FGF10: variants seen among roughly 807,000 people sequenced by gnomAD.
FGF10 encodes the protein FGF-10.
A neutral mutation model predicts 19.8 loss-of-function variants in FGF10; 2 were observed. That is an observed-to-expected ratio of 0.10 (90% CI 0.04 to 0.32). FGF10 has a LOEUF of 0.32. FGF10 is among the 10% of genes least tolerant of loss of function. The pLI, the probability that FGF10 is intolerant of heterozygous loss-of-function variation, is 1.00. For missense variants in FGF10, 191 were observed against 246.3 expected (o/e 0.78, Z 1.50); for synonymous variants, 112 against 94.0 (o/e 1.19, Z -1.10).
chr5:44,313,184 C>T (rs897610397), intron 1 of FGF10, among the ~76,000 whole-genome samples: 12 of 151,848 alleles, frequency 7.9e-5, no homozygotes, highest in African/African-American at 1.5e-4. Flanking sequence ...AATTTTGGGA[C>T]GCAGCGTATG....
intron 1 of FGF10, 65 bp from the exon 2 acceptor site, chr5:44,310,595 T>C: frequency 8.1e-7 from 1 of 1,232,178 alleles, no homozygotes; most frequent in Non-Finnish European, 1.2e-6. Flanking sequence ...AAAAGTAAAA[T>C]CAAAAGAAAC....
intron 1 of FGF10, among the ~76,000 whole-genome samples, chr5:44,361,478 T>C (rs1005946748): frequency 6.6e-6 from 1 of 151,556 alleles, no homozygotes; most frequent in African/African-American, 2.4e-5. Context: ...ACCCACAGTG[T>C]TAATTAGGAG....
intron 1 of FGF10, among the ~76,000 whole-genome samples, chr5:44,364,431 T>C (rs764704213): frequency 2.6e-5 from 4 of 151,786 alleles, no homozygotes; most frequent in Admixed American, 6.6e-5. Context: ...CCTACAACAG[T>C]TTTTGACTGT....
intron 1 of FGF10, among the ~76,000 whole-genome samples, chr5:44,342,218 C>A (rs941892695): frequency 6.6e-6 from 1 of 151,820 alleles, no homozygotes; most frequent in African/African-American, 2.4e-5. Context: ...CAAATCAATG[C>A]ACACTTATGA....
chr5:44,350,575 A>G (rs1201486856), intron 1 of FGF10, among the ~76,000 whole-genome samples: 1 of 151,184 alleles, frequency 6.6e-6, no homozygotes, highest in Non-Finnish European at 1.5e-5. Context: ...CATAACATAT[A>G]CATACATACA....
rs766097540 is a variant in FGF10, at chr5:44,388,635, C to A, written c.48G>T (p.Leu16=). The A allele has an allele frequency of 1.9e-6, 3 of 1,613,848 alleles. No homozygotes were observed. The highest frequency in any genetic ancestry group is 3.3e-5 in the Admixed American group (2 of 59,996). Residue 16 remains leucine (L), a synonymous_variant, in exon 1 of 3, where the codon CTG becomes CTT. Coordinates refer to ENST00000264664, the MANE Select transcript of FGF10 (RefSeq NM_004465.2). ...LTHCASAFPH[L]PGCCCCCFLL... ...AAAAGCAGCAGCAGCAGCAGCCGGG[C>A]AGGTGGGGAAAGGCTGAGGCACAAT...
chr5:44,370,110 A>G (rs571080509), intron 1 of FGF10, among the ~76,000 whole-genome samples: 2 of 152,264 alleles, frequency 1.3e-5, no homozygotes, highest in South Asian at 2.1e-4. Context: ...CATTCTGAGC[A>G]TGTGGTCCAT....
At chr5:44,318,194 A>C (rs918699204) in intron 1 of FGF10, among the ~76,000 whole-genome samples, 4 of 152,154 alleles carry the variant, frequency 2.6e-5, no homozygotes, top group African/African-American at 9.6e-5. Context: ...GAAATGGTAC[A>C]AGACAGAAAA....
At chr5:44,366,127 C>CTTTTTTTTTTTTTTT (rs35522683) in intron 1 of FGF10, among the ~76,000 whole-genome samples, 22 of 74,818 alleles carry the variant, frequency 2.9e-4, no homozygotes, top group Admixed American at 4.7e-4. Flanking sequence ...CAATTATTTC[C>CTTTTTTTTTTTTTTT]TTTTTTTTTT....
At chr5:44,361,168 G>C (rs1741473590) in intron 1 of FGF10, among the ~76,000 whole-genome samples, 1 of 151,644 alleles carries the variant, frequency 6.6e-6, no homozygotes, top group Admixed American at 6.6e-5. Flanking sequence ...CTGAAATCTT[G>C]ACTGGAATGA....
At chr5:44,340,209 G>C (rs1470730681) in intron 1 of FGF10, among the ~76,000 whole-genome samples, 1 of 152,098 alleles carries the variant, frequency 6.6e-6, no homozygotes, top group African/African-American at 2.4e-5. Context: ...GGAAAAGCAG[G>C]AGTTGGCATC....
intron 1 of FGF10, among the ~76,000 whole-genome samples, chr5:44,375,980 C>T (rs188260135): frequency 6.6e-6 from 1 of 152,148 alleles, no homozygotes; most frequent in Admixed American, 6.5e-5. Context: ...TTGATGAAAG[C>T]ATTAATCTGC....
chr5:44,334,362 G>C (rs1454394093), intron 1 of FGF10, among the ~76,000 whole-genome samples: 1 of 151,950 alleles, frequency 6.6e-6, no homozygotes, highest in African/African-American at 2.4e-5. Context: ...ATAGTCTCAG[G>C]CATTGTCTAC....
At chr5:44,369,318 G>A (rs76837754) in intron 1 of FGF10, among the ~76,000 whole-genome samples, 2,012 of 152,168 alleles carry the variant, frequency 0.013, 87 homozygotes, top group East Asian at 0.12. Context: ...TCAAAAGATG[G>A]TTCCTGAGGA....
In FGF10 at chr5:44,315,514, G is replaced by A. The variant is rs149708209; in HGVS notation, c.326-4984C>T. Among the ~76,000 whole-genome samples, 704 of 152,202 alleles carry A rather than the reference G, an allele frequency of 4.6e-3. 5 individuals carry two copies. Among genetic ancestry groups the A allele is most frequent in the African/African-American group, 0.016 (662 of 41,540 alleles). On this transcript the variant is annotated intron_variant, in intron 1 of 2. Transcript: ENST00000264664. ...ATTGAGTGGTAGTGGTGCTTTTCTG[G>A]GTGAGGAATGTACTTTCCAAAAAAA... is the stretch of plus-strand genomic sequence containing the variant.
chr5:44,378,792 C>T (rs1463329171), intron 1 of FGF10, among the ~76,000 whole-genome samples: 1 of 152,188 alleles, frequency 6.6e-6, no homozygotes, highest in Non-Finnish European at 1.5e-5. Flanking sequence ...TCCTCAATTC[C>T]AGCATTGTTA....
chr5:44,334,172 T>C (rs1256140231), intron 1 of FGF10, among the ~76,000 whole-genome samples: 1 of 152,140 alleles, frequency 6.6e-6, no homozygotes, highest in Non-Finnish European at 1.5e-5. Context: ...CTTGAAACTT[T>C]GTTATGCCCC....
intron 1 of FGF10, among the ~76,000 whole-genome samples, chr5:44,341,910 G>A (rs1217611771): frequency 2.0e-5 from 3 of 151,938 alleles, no homozygotes; most frequent in Non-Finnish European, 2.9e-5. Context: ...TCAACAAATA[G>A]TGGTTATTTT....
At chr5:44,383,031 A>G (rs1386812932) in intron 1 of FGF10, among the ~76,000 whole-genome samples, 1 of 152,116 alleles carries the variant, frequency 6.6e-6, no homozygotes, top group Non-Finnish European at 1.5e-5. Flanking sequence ...AAGAAATATC[A>G]TTTGCACTAC....
Sources: gnomAD v4.1 joint callset for allele counts (sites outside exome capture counted in the v4.1 genomes callset) on GRCh38, gnomAD v4.1.1 for gene constraint, MANE v1.5 for transcripts, NCBI Gene and HGNC (gene_info 2026-07-23, HGNC 2026-07-21) for gene names.